Variants in WDFY4 observed in about 807,000 individuals in gnomAD.
WDFY4 encodes the protein WDFY family member 4, also known as WD repeat- and FYVE domain-containing protein 4.
In WDFY4, 169 loss-of-function variants were observed where a neutral mutation model predicts 351.9. The ratio of observed to expected loss-of-function variants is 0.48; its 90% CI spans 0.42 to 0.55. The LOEUF (loss-of-function observed/expected upper bound fraction) is 0.55, where lower values mean the gene tolerates loss of function less well. Ranked by LOEUF, WDFY4 falls within the 20% of genes least tolerant of loss-of-function variation. The probability of loss-of-function intolerance (pLI) is 0.00; values close to 1 mark genes in which losing one functional copy is unlikely to be tolerated. For synonymous variants in WDFY4, 1,622 were observed against 1,574.6 expected, an observed-to-expected ratio of 1.03 and a Z score of -0.71; for missense variants, 3,803 against 3,935.6, an observed-to-expected ratio of 0.97 and a Z score of 0.90.
chr10:48,890,638 G>T lies in WDFY4; in HGVS notation c.7227G>T (p.Leu2409=), dbSNP rs2070656898. The T allele has an allele frequency of 6.4e-7, 1 of 1,551,590 alleles. No individual in the cohort carries two copies. Among genetic ancestry groups the T allele is most frequent in the African/African-American group, 1.4e-5 (1 of 73,038 alleles). ...GCCACCTGGTGTCAGAAGGGGTCCT[G>T]CTTTTTGGCCACCAACACTTCTACA... ...VQGHLVSEGV[L]LFGHQHFYIC... The change falls in exon 44 of 62, where the codon CTG becomes CTT. Residue 2409 remains leucine (L), a synonymous_variant. Coordinates refer to ENST00000325239, the MANE Select transcript of WDFY4 (RefSeq NM_001394531.1).
chr10:48,696,205 C>T (rs2063326238), intron 1 of WDFY4, among the ~76,000 whole-genome samples: 1 of 152,210 alleles, frequency 6.6e-6, no homozygotes, highest in Admixed American at 6.5e-5. Flanking sequence ...CACTCGCTGA[C>T]TGGTGATGTC....
At chr10:48,689,176 C>T (rs186506091) in intron 1 of WDFY4, among the ~76,000 whole-genome samples, 12 of 152,252 alleles carry the variant, frequency 7.9e-5, no homozygotes, top group Non-Finnish European at 1.5e-4. Context: ...AGCTGCTACC[C>T]GTTTTATTTA....
chr10:48,741,395 T>C (rs74130623), intron 11 of WDFY4, among the ~76,000 whole-genome samples: 96 of 138,840 alleles, frequency 6.9e-4, no homozygotes, highest in African/African-American at 2.5e-3. Flanking sequence ...AGAGGTTACA[T>C]TGAGCCAAGA....
At chr10:48,900,500 A>G (rs978504805) in intron 46 of WDFY4, among the ~76,000 whole-genome samples, 194 bp downstream of exon 46, 2 of 152,352 alleles carry the variant, frequency 1.3e-5, no homozygotes, top group South Asian at 4.1e-4. Context: ...CAGGCAGAGA[A>G]GGCCCTTCCT....
At chr10:48,787,944 T>TCTTCTTCTC (rs2066524465) in intron 20 of WDFY4, among the ~76,000 whole-genome samples, 33 of 97,048 alleles carry the variant, frequency 3.4e-4, no homozygotes, top group Admixed American at 3.2e-3. Context: ...TTCTTCTTCT[T>TCTTCTTCTC]CTTCTTCTTC....
At chr10:48,732,105 C>T (rs943017518) in intron 9 of WDFY4, among the ~76,000 whole-genome samples, 4 of 152,154 alleles carry the variant, frequency 2.6e-5, no homozygotes, top group African/African-American at 9.7e-5. Flanking sequence ...GCCCCTGCAC[C>T]CTGGAGTCTC....
chr10:48,722,875 T>C (rs1213908624), intron 4 of WDFY4, among the ~76,000 whole-genome samples: 1 of 152,176 alleles, frequency 6.6e-6, no homozygotes, highest in Non-Finnish European at 1.5e-5. Flanking sequence ...CCCTGAGCTG[T>C]TTAGTTGAGT....
intron 39 of WDFY4, among the ~76,000 whole-genome samples, chr10:48,860,735 TA>T (rs1426325719): frequency 1.3e-5 from 2 of 152,250 alleles, no homozygotes; most frequent in African/African-American, 4.8e-5. Context: ...TCAATTTCAT[TA>T]AATTTAATGT....
At chr10:48,814,310 T>C (rs2067549964) in intron 31 of WDFY4, among the ~76,000 whole-genome samples, 1 of 152,244 alleles carries the variant, frequency 6.6e-6, no homozygotes, top group African/African-American at 2.4e-5. Flanking sequence ...CTGTTTATCA[T>C]TTGTTTAAGC....
At chr10:48,797,205 T>C (rs1327979274) in intron 24 of WDFY4, among the ~76,000 whole-genome samples, 2 of 152,088 alleles carry the variant, frequency 1.3e-5, no homozygotes, top group African/African-American at 4.8e-5. Context: ...AGAGCAGCCA[T>C]GGGGACTTGA....
At chr10:48,766,780 C>T (rs1456299415) in intron 13 of WDFY4, among the ~76,000 whole-genome samples, 1 of 152,156 alleles carries the variant, frequency 6.6e-6, no homozygotes, top group Non-Finnish European at 1.5e-5. Flanking sequence ...ACGTAGGCTA[C>T]CTTGTTTCTC....
chr10:48,819,788 G>A (rs946738032), intron 32 of WDFY4, among the ~76,000 whole-genome samples: 4 of 152,180 alleles, frequency 2.6e-5, no homozygotes, highest in Non-Finnish European at 5.9e-5. Context: ...TAGAGGTGGG[G>A]TCCCCATCAC....
intron 47 of WDFY4, chr10:48,909,625 G>C (rs1158753295): frequency 6.6e-6 from 1 of 152,264 alleles, no homozygotes; most frequent in African/African-American, 2.4e-5. Flanking sequence ...CATAGTGAGA[G>C]GAAGAGAGAG....
Position 48,723,453 on chromosome 10 carries a change from T to C in WDFY4, c.477T>C (p.Ala159=). ...GTDSETLGRV[A]ESGLPALLLQ... ...TGCAGGAGACGCTGGGCAGGGTTGC[T>C]GAGTCTGGGCTTCCAGCCCTGCTCC... The change falls in exon 5 of 62, where the codon GCT becomes GCC. Residue 159 remains alanine, a synonymous_variant. Coordinates refer to ENST00000325239, the MANE Select transcript of WDFY4 (RefSeq NM_001394531.1). 6.5e-7 allele frequency: 1 copy of C among 1,550,312 alleles called. No individual in the cohort carries two copies. The highest frequency in any genetic ancestry group is 8.7e-7 in the Non-Finnish European group (1 of 1,146,974).
chr10:48,782,509 C>T (rs1387687865), intron 19 of WDFY4, among the ~76,000 whole-genome samples: 2 of 152,196 alleles, frequency 1.3e-5, no homozygotes, highest in Non-Finnish European at 2.9e-5. Context: ...AAGCCTAGGG[C>T]CATCAACAGG....
Position 48,735,918 on chromosome 10 carries a change from A to G in WDFY4, c.1726A>G (p.Ile576Val), listed in dbSNP as rs866785917. 1.7e-5 allele frequency: 26 copies of G among 1,551,678 alleles called. 1 individual carries two copies. The Middle Eastern group carries it at 6.7e-4, about 40-fold the overall frequency. Residue 576 changes from isoleucine (I) to valine (V), a missense_variant, in exon 11 of 62, where the codon ATC (isoleucine) becomes GTC (valine). Physicochemically the swap from Ile to Val is conservative, Grantham distance 29. Transcript: ENST00000325239. Reference protein sequence around the residue: ...KDHGMVPFIKIFLDDECYREA... With the variant: ...KDHGMVPFIKVFLDDECYREA... Reference sequence around the variant, plus strand: ...CCACGGCATGGTGCCCTTCATCAAGATCTTCCTGGATGACGAGTGCTACCG... The same window carrying G: ...CCACGGCATGGTGCCCTTCATCAAGGTCTTCCTGGATGACGAGTGCTACCG...
At chr10:48,824,571 T>C (rs1294386772) in intron 35 of WDFY4, among the ~76,000 whole-genome samples, 3 of 152,244 alleles carry the variant, frequency 2.0e-5, no homozygotes, top group Admixed American at 6.5e-5. Context: ...ATAGCCTTGA[T>C]TGATCATTTC....
intron 19 of WDFY4, among the ~76,000 whole-genome samples, chr10:48,782,620 G>A (rs1254883801): frequency 6.6e-6 from 1 of 152,246 alleles, no homozygotes; most frequent in African/African-American, 2.4e-5. Context: ...GGACCAGCAA[G>A]TGAAACTCAA....
chr10:48,707,918 GC>G (rs34113165), intron 1 of WDFY4, among the ~76,000 whole-genome samples: 1 of 152,204 alleles, frequency 6.6e-6, no homozygotes, highest in Admixed American at 6.5e-5. Context: ...CACACTGCCT[GC>G]CCCTTAGAGT....
Sources: allele counts gnomAD v4.1 joint callset (sites outside exome capture counted in the v4.1 genomes callset), GRCh38; gene constraint gnomAD v4.1.1; transcripts MANE v1.5; gene names NCBI Gene and HGNC (gene_info 2026-07-23, HGNC 2026-07-21).